TSPAN17: variants seen among roughly 807,000 people sequenced by gnomAD.
TSPAN17 encodes tetraspanin 17.
Under a neutral mutation model 40.5 loss-of-function variants are expected in TSPAN17, and 33 were observed. The observed-to-expected ratio is 0.81, with a 90% CI of 0.62 to 1.09. The LOEUF (loss-of-function observed/expected upper bound fraction) is 1.09, where lower values mean the gene tolerates loss of function less well. TSPAN17 is among the 50% of genes least tolerant of loss of function. The pLI is 0.00. For synonymous variants in TSPAN17, 166 were observed against 169.4 expected (o/e 0.98, Z 0.15); for missense variants, 365 against 416.8 (o/e 0.88, Z 1.08).
In TSPAN17 at chr5:176,657,912, TGCGGGCCAATCTGGA is replaced by T. The variant is rs1209874458; in HGVS notation, c.*216_*230del. 6.0e-5 allele frequency: 48 copies of T among 793,484 alleles called. No homozygotes were observed. Among genetic ancestry groups the T allele is most frequent in the Non-Finnish European group, 8.5e-5 (47 of 553,048 alleles). The allele number at this position is 793,484 out of a possible 1,614,324, so 49.2% of individuals were successfully genotyped here. ...GTTATTCCCTGCACCTCGAGGCCGC[TGCGGGCCAATCTGGA>T]GTGAAACACGGGGACCTGAAGGATG... On this transcript the variant is annotated 3_prime_UTR_variant, in exon 9 of 9. Coordinates refer to ENST00000508164, the MANE Select transcript of TSPAN17 (RefSeq NM_130465.5).
In TSPAN17 at chr5:176,651,642, C is replaced by A; in HGVS notation, c.114C>A (p.Ile38=). The A allele has an allele frequency of 6.2e-7, 1 of 1,613,854 alleles. No homozygotes were observed. Among genetic ancestry groups the A allele is most frequent in the Middle Eastern group, 1.7e-4 (1 of 6,052 alleles). Residue 38 remains isoleucine (I), a synonymous_variant, in exon 2 of 9, where the codon ATC becomes ATA. Transcript: ENST00000508164. The surrounding 1 kb of genome is among the most constrained non-coding windows in gnomAD (Gnocchi z 4.5). Reference sequence around the variant, plus strand: ...TGCTGGGAGCCCTGTTCCTGGCTATCGGCCTCTGGGCCTGGGGTGAGAAGG... The same window carrying A: ...TGCTGGGAGCCCTGTTCCTGGCTATAGGCCTCTGGGCCTGGGGTGAGAAGG... The part of the protein sequence containing the change: ...FWVLGALFLA[I]GLWAWGEKGV...
Position 176,654,658 on chromosome 5 carries a change from C to G in TSPAN17, c.457-237C>G, listed in dbSNP as rs562047775. On this transcript the variant is annotated intron_variant, in intron 4 of 8. Transcript: ENST00000508164. This position sits in a 1 kb window ranked among gnomAD's most constrained non-coding sequence, Gnocchi z 4.3. The stretch of plus-strand genomic sequence containing the variant: ...TCCTTGTCCCACTCCCTCCCTTTTT[C>G]TAGCCTCTCTTGGGTCGGGGAAGGG... 3.8e-6 allele frequency: 2 copies of G among 524,458 alleles called. No individual in the cohort carries two copies. The highest frequency in any genetic ancestry group is 3.4e-5 in the Admixed American group (1 of 29,622). 32.5% of individuals were successfully genotyped at this position (524,458 alleles called of 1,614,324 possible).
intron 1 of TSPAN17, among the ~76,000 whole-genome samples, chr5:176,648,959 G>A (rs763267861): frequency 2.0e-4 from 31 of 152,230 alleles, no homozygotes; most frequent in Non-Finnish European, 3.2e-4. Context: ...GGCAGAGGGT[G>A]GAGGTGAGGC....
chr5:176,647,879 G>T lies in TSPAN17; in HGVS notation c.87+177G>T, dbSNP rs934501454. ...CACCCGAGGTAGCTACAGAGGCCCG[G>T]ATTGCTGGGGGCGGGTCCTAGCGAC... On this transcript the variant is annotated intron_variant, in intron 1 of 8. Coordinates refer to ENST00000508164, the MANE Select transcript of TSPAN17 (RefSeq NM_130465.5). Among the ~76,000 whole-genome samples, 9 of 152,242 alleles carry T rather than the reference G, an allele frequency of 5.9e-5. No homozygotes were observed. The South Asian group carries it at 1.2e-3, about 21-fold the overall frequency.
chr5:176,651,307 G>A lies in TSPAN17; in HGVS notation c.88-309G>A, dbSNP rs1760955546. 6.6e-6 allele frequency among the ~76,000 whole-genome samples: 1 copy of A among 152,138 alleles called. No homozygotes were observed. Among genetic ancestry groups the A allele is most frequent in the South Asian group, 2.1e-4 (1 of 4,828 alleles). Reference sequence around the variant, plus strand: ...GTATACTGGCGCCGTCGCTACCCCCGCTGACACAGCTGCTATTGCTCCTTG... The same window carrying A: ...GTATACTGGCGCCGTCGCTACCCCCACTGACACAGCTGCTATTGCTCCTTG... On this transcript the variant is annotated intron_variant, in intron 1 of 8. Coordinates refer to ENST00000508164, the MANE Select transcript of TSPAN17 (RefSeq NM_130465.5). The surrounding 1 kb of genome is among the most constrained non-coding windows in gnomAD (Gnocchi z 4.5).
rs554958731 is a variant in TSPAN17, at chr5:176,651,300, T to C, written c.88-316T>C. 5.3e-5 allele frequency among the ~76,000 whole-genome samples: 8 copies of C among 152,146 alleles called. No individual in the cohort carries two copies. In the South Asian group the frequency reaches 1.7e-3, roughly 32 times the overall value. ...AGGCTCAGTATACTGGCGCCGTCGC[T>C]ACCCCCGCTGACACAGCTGCTATTG... On this transcript the variant is annotated intron_variant, in intron 1 of 8. Coordinates refer to ENST00000508164, the MANE Select transcript of TSPAN17 (RefSeq NM_130465.5). This position sits in a 1 kb window ranked among gnomAD's most constrained non-coding sequence, Gnocchi z 4.5.
Position 176,654,579 on chromosome 5 carries a change from C to A in TSPAN17, c.457-316C>A. 1 of 319,934 alleles carries A rather than the reference C, an allele frequency of 3.1e-6. No individual in the cohort carries two copies. Among genetic ancestry groups the A allele is most frequent in the Non-Finnish European group, 5.9e-6 (1 of 169,326 alleles). 19.8% of individuals were successfully genotyped at this position (319,934 alleles called of 1,614,324 possible). On this transcript the variant is annotated intron_variant, in intron 4 of 8. Transcript: ENST00000508164. This position sits in a 1 kb window ranked among gnomAD's most constrained non-coding sequence, Gnocchi z 4.3. ...CGGTCTCTGCTGCCACAGGGCTTGG[C>A]CCAGCGCCTGCCTCTCAGGTAGTCT...
At chr5:176,657,395 A>G in intron 8 of TSPAN17, 123 bp from the exon 9 acceptor site, 16 of 1,489,678 alleles carry the variant, frequency 1.1e-5, no homozygotes, top group Non-Finnish European at 1.4e-5. Flanking sequence ...ACTGCCTCAC[A>G]CAGCTTCAGA....
rs1458731743 is a variant in TSPAN17 at position 176,650,675 on chromosome 5, G to A, written c.88-941G>A. Reference sequence around the variant, plus strand: ...AATAGAGCAGTGTGGGGAGCCCACGGTCAGGGAAGGGAAGGTGATAAAGGC... The same window carrying A: ...AATAGAGCAGTGTGGGGAGCCCACGATCAGGGAAGGGAAGGTGATAAAGGC... On this transcript the variant is annotated intron_variant, in intron 1 of 8. Coordinates refer to ENST00000508164, the MANE Select transcript of TSPAN17 (RefSeq NM_130465.5). This position sits in a 1 kb window ranked among gnomAD's most constrained non-coding sequence, Gnocchi z 4.0. 1.3e-5 allele frequency among the ~76,000 whole-genome samples: 2 copies of A among 152,206 alleles called. 1 individual carries two copies. Among genetic ancestry groups the A allele is most frequent in the African/African-American group, 4.8e-5 (2 of 41,460 alleles).
intron 3 of TSPAN17, 59 bp from the exon 4 acceptor site, chr5:176,652,684 C>T: frequency 6.4e-7 from 1 of 1,569,234 alleles, no homozygotes; most frequent in Non-Finnish European, 8.7e-7. Context: ...CACCCAAGCC[C>T]TGGGAGGTCA....
Position 176,655,019 on chromosome 5 carries a change from C to T in TSPAN17, c.581C>T (p.Ala194Val), listed in dbSNP as rs1192224318. 24 of 1,602,296 alleles carry T rather than the reference C, an allele frequency of 1.5e-5. No individual in the cohort carries two copies. The highest frequency in any genetic ancestry group is 6.7e-5 in the South Asian group (6 of 89,370). The change falls in exon 5 of 9, where the codon GCG becomes GTG. Residue 194 changes from alanine (A) to valine (V), a missense_variant and splice_region_variant. Coordinates refer to ENST00000508164, the MANE Select transcript of TSPAN17 (RefSeq NM_130465.5). ...VPFSCCVRDP[A>V]EDVLNTQCGY... ...TTCTCCTGCTGCGTCAGGGACCCTG[C>T]GGTGAGTGGGGCTGGGGGAGGAGAG...
At chr5:176,655,982 G>T (rs984929117) in intron 5 of TSPAN17, 96 bp from the exon 6 acceptor site, 4 of 1,111,150 alleles carry the variant, frequency 3.6e-6, no homozygotes, top group Admixed American at 3.4e-5. Flanking sequence ...GCCCATCTGC[G>T]TCCTCTGAGA....
rs772786406 is a variant in TSPAN17 at position 176,656,921 on chromosome 5, C to T, written c.774C>T (p.Asn258=). 7 of 1,614,066 alleles carry T rather than the reference C, an allele frequency of 4.3e-6. No homozygotes were observed. In the South Asian group the frequency reaches 7.7e-5, roughly 18 times the overall value. ...TCTTTGGCATCTGCCTGGCCCAGAA[C>T]CTCGTGAGTGACATCAAGGCAGTGA... ...LQIFGICLAQ[N]LVSDIKAVKA... Residue 258 remains asparagine (N), a synonymous_variant, in exon 8 of 9, where the codon AAC becomes AAT. Transcript: ENST00000508164.
chr5:176,651,239 G>A lies in TSPAN17; in HGVS notation c.88-377G>A, dbSNP rs1333667498. Among the ~76,000 whole-genome samples, 2 of 152,160 alleles carry A rather than the reference G, an allele frequency of 1.3e-5. No individual in the cohort carries two copies. Among genetic ancestry groups the A allele is most frequent in the African/African-American group, 4.8e-5 (2 of 41,438 alleles). On this transcript the variant is annotated intron_variant, in intron 1 of 8. Coordinates refer to ENST00000508164, the MANE Select transcript of TSPAN17 (RefSeq NM_130465.5). The surrounding 1 kb of genome is among the most constrained non-coding windows in gnomAD (Gnocchi z 4.5). ...GCAGGGTGCAGAAAGGAGGCTAGGA[G>A]CCTGGAACCCCAGCACCAGCTTCGG...
In TSPAN17 at chr5:176,651,694, G is replaced by T; in HGVS notation, c.138+28G>T. 1 of 1,614,072 alleles carries T rather than the reference G, an allele frequency of 6.2e-7. No individual in the cohort carries two copies. The stretch of plus-strand genomic sequence containing the variant: ...AAGGCAGCGGGCGGGCGTGGAGCTG[G>T]TATGGGACGAGGTGGTGGGAAGGTC... On this transcript the variant is annotated intron_variant, in intron 2 of 8. Coordinates refer to ENST00000508164, the MANE Select transcript of TSPAN17 (RefSeq NM_130465.5). The surrounding 1 kb of genome is among the most constrained non-coding windows in gnomAD (Gnocchi z 4.5).
rs775861032 is a variant in TSPAN17 at position 176,651,912 on chromosome 5, C to T, written c.285+12C>T. On this transcript the variant is annotated intron_variant, in intron 3 of 8. Coordinates refer to ENST00000508164, the MANE Select transcript of TSPAN17 (RefSeq NM_130465.5). This position sits in a 1 kb window ranked among gnomAD's most constrained non-coding sequence, Gnocchi z 4.5. The stretch of plus-strand genomic sequence containing the variant: ...TCCTGCTCAAGTTTGTGAGTGCTGC[C>T]CTCAAGATCCCCTGGGAACCCCCAT... The T allele has an allele frequency of 6.2e-7, 1 of 1,613,434 alleles. No individual in the cohort carries two copies. The highest frequency in any genetic ancestry group is 8.5e-7 in the Non-Finnish European group (1 of 1,179,832).
At chr5:176,657,117 C>A in intron 8 of TSPAN17, 161 bp downstream of exon 8, 1 of 764,770 alleles carries the variant, frequency 1.3e-6, no homozygotes, top group Non-Finnish European at 2.1e-6. Flanking sequence ...GCTGTCCACC[C>A]ACGGAGGAAG....
At chr5:176,652,007 C>T (rs980040694) in intron 3 of TSPAN17, 107 bp downstream of exon 3, 50 of 1,436,914 alleles carry the variant, frequency 3.5e-5, no homozygotes, top group Admixed American at 2.5e-4. Flanking sequence ...ATGCTATAAT[C>T]GTCATCGTTA....
At position 176,657,968 on chromosome 5, in the gene TSPAN17, GC is replaced by G. The variant is rs1422544874; in HGVS notation, c.*271del. On this transcript the variant is annotated 3_prime_UTR_variant, in exon 9 of 9. Transcript: ENST00000508164. ...CTGAAGGATGGAGAGGCTGGACCCCGCTTTGAAGAGGGTGCAGCCTGGGAAG... is the reference window on the plus strand; with the variant it reads ...CTGAAGGATGGAGAGGCTGGACCCCGTTTGAAGAGGGTGCAGCCTGGGAAG... The G allele has an allele frequency of 3.9e-5, 17 of 435,138 alleles. No homozygotes were observed. The East Asian group carries it at 9.0e-4, about 23-fold the overall frequency. The allele number at this position is 435,138 out of a possible 1,614,324, so 27.0% of individuals were successfully genotyped here.
Sources: allele counts gnomAD v4.1 joint callset (sites outside exome capture counted in the v4.1 genomes callset), GRCh38; gene constraint gnomAD v4.1.1; non-coding constraint Gnocchi (gnomAD v3.1); transcripts MANE v1.5; gene names NCBI Gene and HGNC (gene_info 2026-07-23, HGNC 2026-07-21).